The following LNX2 variants were observed in gnomAD, a reference collection of about 807,000 sequenced individuals.
LNX2 encodes the protein ligand of Numb protein X 2.
In LNX2, 35 loss-of-function variants were observed where a neutral mutation model predicts 66.2. The ratio of observed to expected loss-of-function variants is 0.53; its 90% CI spans 0.40 to 0.70. LNX2 has a LOEUF of 0.70. LNX2 is among the 30% of genes least tolerant of loss of function. LNX2 has a pLI of 0.00. For missense variants in LNX2, 791 were observed against 850.8 expected (o/e 0.93, Z 0.87); for synonymous variants, 337 against 315.6 (o/e 1.07, Z -0.72).
intron 1 of LNX2, among the ~76,000 whole-genome samples, chr13:27,582,747 G>C (rs942897630): frequency 1.3e-5 from 2 of 152,082 alleles, no homozygotes; most frequent in Non-Finnish European, 2.9e-5. Context: ...GTCAGGGGAT[G>C]GGGGGCTAGG....
chr13:27,559,718 CT>C (rs888369585), intron 6 of LNX2, 123 bp downstream of exon 6: 40 of 917,650 alleles, frequency 4.4e-5, no homozygotes, highest in South Asian at 9.0e-5. Context: ...TCATTTGAAT[CT>C]TTTTTTTAAA....
At chr13:27,590,237 ATTAT>A (rs1228623781) in intron 1 of LNX2, among the ~76,000 whole-genome samples, 4 of 151,266 alleles carry the variant, frequency 2.6e-5, no homozygotes, top group East Asian at 3.9e-4. Flanking sequence ...TTTTATTTTT[ATTAT>A]TTATTTATTT....
intron 8 of LNX2, among the ~76,000 whole-genome samples, chr13:27,550,965 T>TTA (rs1955001254): frequency 2.0e-5 from 3 of 152,326 alleles, no homozygotes; most frequent in African/African-American, 7.2e-5. Flanking sequence ...AGGCAGATAA[T>TTA]TATCTCTCTT....
chr13:27,552,493 T>C (rs1955017858), intron 8 of LNX2, among the ~76,000 whole-genome samples: 1 of 152,232 alleles, frequency 6.6e-6, no homozygotes, highest in Admixed American at 6.5e-5. Flanking sequence ...AAATGCTTCA[T>C]AGCTTAGTTT....
chr13:27,573,586 A>G (rs1337771593), intron 2 of LNX2, among the ~76,000 whole-genome samples: 1 of 152,120 alleles, frequency 6.6e-6, no homozygotes, highest in Non-Finnish European at 1.5e-5. Flanking sequence ...CTGTGTGTGT[A>G]GGCTAAGGTG....
intron 1 of LNX2, among the ~76,000 whole-genome samples, chr13:27,616,189 G>GT (rs948137750): frequency 2.1e-5 from 3 of 143,656 alleles, no homozygotes; most frequent in Non-Finnish European, 4.5e-5. Flanking sequence ...TGGGGGGTTG[G>GT]GGGGGGTAGC....
chr13:27,605,102 C>T (rs934690688), intron 1 of LNX2, among the ~76,000 whole-genome samples: 3 of 152,142 alleles, frequency 2.0e-5, no homozygotes, highest in African/African-American at 4.8e-5. Context: ...GAACCAATTA[C>T]TCTTTAACCC....
chr13:27,591,748 T>G (rs114775072), intron 1 of LNX2, among the ~76,000 whole-genome samples: 4 of 152,142 alleles, frequency 2.6e-5, no homozygotes, highest in Admixed American at 2.0e-4. Context: ...AGACAACATA[T>G]AAGAAGAAAT....
At chr13:27,579,213 A>T (rs1478049554) in intron 2 of LNX2, among the ~76,000 whole-genome samples, 2 of 152,230 alleles carry the variant, frequency 1.3e-5, no homozygotes, top group African/African-American at 4.8e-5. Context: ...TTTCTACCTG[A>T]ATTTCAATGT....
chr13:27,562,272 A>G (rs1955144295), intron 5 of LNX2, 141 bp downstream of exon 5: 1 of 906,488 alleles, frequency 1.1e-6, no homozygotes, highest in Non-Finnish European at 1.7e-6. Context: ...TGTGGATTTT[A>G]AAGAATTCAG....
At chr13:27,566,916 A>C (rs1955212822) in intron 4 of LNX2, among the ~76,000 whole-genome samples, 1 of 151,910 alleles carries the variant, frequency 6.6e-6, no homozygotes, top group Admixed American at 6.6e-5. Flanking sequence ...ATTAACATCA[A>C]CTCCGGGATT....
chr13:27,596,093 A>G (rs1368810731), intron 1 of LNX2, among the ~76,000 whole-genome samples: 1 of 152,200 alleles, frequency 6.6e-6, no homozygotes, highest in Non-Finnish European at 1.5e-5. Flanking sequence ...CTTGAACTGC[A>G]TGGGTTCACT....
At chr13:27,551,325 A>G (rs999967220) in intron 8 of LNX2, among the ~76,000 whole-genome samples, 1 of 152,120 alleles carries the variant, frequency 6.6e-6, no homozygotes, top group Admixed American at 6.5e-5. Flanking sequence ...ATGCATATAT[A>G]AATGTATCAT....
intron 1 of LNX2, among the ~76,000 whole-genome samples, chr13:27,595,544 C>T (rs939750157): frequency 2.6e-5 from 4 of 152,198 alleles, no homozygotes; most frequent in African/African-American, 2.4e-5. Flanking sequence ...CTTATTCCCA[C>T]GACCTCTGCT....
At chr13:27,611,854 T>C (rs1458369004) in intron 1 of LNX2, among the ~76,000 whole-genome samples, 1 of 152,216 alleles carries the variant, frequency 6.6e-6, no homozygotes, top group Non-Finnish European at 1.5e-5. Flanking sequence ...TTAAGAACAA[T>C]AATTAGAGAA....
chr13:27,585,702 ATAGCAAGAATTACCAAT>A (rs1593254383), intron 1 of LNX2, among the ~76,000 whole-genome samples: 1 of 151,774 alleles, frequency 6.6e-6, no homozygotes, highest in African/African-American at 2.4e-5. Flanking sequence ...TTCCTACCCA[ATAGCAAGAATTACCAAT>A]TAGCAAGAAT....
chr13:27,595,476 A>G (rs1013403672), intron 1 of LNX2, among the ~76,000 whole-genome samples: 1 of 76,774 alleles, frequency 1.3e-5, no homozygotes, highest in African/African-American at 1.5e-4. Flanking sequence ...AATATGAATG[A>G]ACAAATGTGT....
rs1566124789 is a variant in LNX2 at position 27,583,232 on chromosome 13, GT to G, written c.-100-1430del. Among the ~76,000 whole-genome samples, 5 of 23,176 alleles carry G rather than the reference GT, an allele frequency of 2.2e-4. 1 individual carries two copies. Among genetic ancestry groups the G allele is most frequent in the Non-Finnish European group, 3.9e-4 (5 of 12,750 alleles). The allele number at this position is 23,176 out of a possible 152,430, so 15.2% of individuals were successfully genotyped here. On this transcript the variant is annotated intron_variant, in intron 1 of 9. Transcript: ENST00000316334. ...TGTGTGTGTGTGTGTGTGTGTGTGT[GT>G]GTGTGTGTGTGTGTGTGTGTGTGCG...
intron 1 of LNX2, among the ~76,000 whole-genome samples, chr13:27,598,479 T>G (rs1208209582): frequency 1.3e-5 from 2 of 152,086 alleles, no homozygotes; most frequent in Non-Finnish European, 2.9e-5. Context: ...GTAAAAGGAA[T>G]AGATTGGGAG....
Sources: allele counts gnomAD v4.1 joint callset (sites outside exome capture counted in the v4.1 genomes callset), GRCh38; gene constraint gnomAD v4.1.1; transcripts MANE v1.5; gene names NCBI Gene and HGNC (gene_info 2026-07-23, HGNC 2026-07-21).